TTYH2: variants seen among roughly 807,000 people sequenced by gnomAD.
The protein encoded by TTYH2 is protein tweety homolog 2.
Under a neutral mutation model 68.3 loss-of-function variants are expected in TTYH2, and 49 were observed. The ratio of observed to expected loss-of-function variants is 0.72; its 90% confidence interval spans 0.57 to 0.91. The LOEUF (loss-of-function observed/expected upper bound fraction) is 0.91. TTYH2 is among the 40% of genes least tolerant of loss of function. The probability of loss-of-function intolerance (pLI) is 0.00; values close to 1 mark genes in which losing one functional copy is unlikely to be tolerated. For missense variants in TTYH2, 631 were observed against 700.4 expected (o/e 0.90, Z 1.12); for synonymous variants, 272 against 300.8 (o/e 0.90, Z 0.99).
chr17:74,243,257 G>T, intron 4 of TTYH2, 117 bp from the exon 5 acceptor site: 2 of 833,130 alleles, frequency 2.4e-6, no homozygotes, highest in Admixed American at 2.0e-5. Context: ...GCTCTGGGCA[G>T]CATGTCCATA....
chr17:74,251,924 T>C (rs2050634422), intron 10 of TTYH2: 1 of 358,026 alleles, frequency 2.8e-6, no homozygotes, highest in Non-Finnish European at 5.2e-6. Context: ...CTTGCCATCC[T>C]GGCCTCAGCT....
chr17:74,240,040 G>A (rs553088443), intron 4 of TTYH2, among the ~76,000 whole-genome samples: 16 of 152,324 alleles, frequency 1.1e-4, no homozygotes, highest in Admixed American at 6.5e-4. Flanking sequence ...TTGTTAAGGC[G>A]ATGGTATTAA....
At chr17:74,224,170 G>A (rs779648331) in intron 2 of TTYH2, among the ~76,000 whole-genome samples, 57 of 152,326 alleles carry the variant, frequency 3.7e-4, no homozygotes, top group Non-Finnish European at 7.5e-4. Context: ...AGCACTTTGG[G>A]AGGCCAAGGC....
In TTYH2 at chr17:74,217,302, A is replaced by G. The variant is rs1349685587; in HGVS notation, c.129+3586A>G. On this transcript the variant is annotated intron_variant, in intron 1 of 13. Transcript: ENST00000269346. This position sits in a 1 kb window ranked among gnomAD's most constrained non-coding sequence, Gnocchi z 4.0. ...CAGCTGCTCTTTGGGGACATGTGTTAGGAGGCAGAGGAGATGTTGTTAATT... is the reference window on the plus strand; with the variant it reads ...CAGCTGCTCTTTGGGGACATGTGTTGGGAGGCAGAGGAGATGTTGTTAATT... 2.0e-5 allele frequency among the ~76,000 whole-genome samples: 3 copies of G among 152,216 alleles called. No homozygotes were observed. In the East Asian group the frequency reaches 5.8e-4, roughly 29 times the overall value.
At chr17:74,250,451 T>C (rs1598231266) in intron 10 of TTYH2, 94 bp downstream of exon 10, 1 of 1,050,392 alleles carries the variant, frequency 9.5e-7, no homozygotes, top group Non-Finnish European at 1.4e-6. Context: ...AGGGGAGCGA[T>C]GGCCTGGGTC....
At chr17:74,231,419 C>T (rs1023885500) in intron 3 of TTYH2, among the ~76,000 whole-genome samples, 2 of 152,142 alleles carry the variant, frequency 1.3e-5, no homozygotes, top group East Asian at 1.9e-4. Flanking sequence ...GAGGGCTGGG[C>T]GTGGTGGCTC....
intron 6 of TTYH2, chr17:74,248,698 G>C: frequency 8.0e-7 from 1 of 1,249,368 alleles, no homozygotes; most frequent in Non-Finnish European, 1.0e-6. Flanking sequence ...AGGCATTCGG[G>C]AATAAGAGTA....
rs1052601390 is a variant in TTYH2 at position 74,261,664 on chromosome 17, T to G, written c.*1455T>G. On this transcript the variant is annotated 3_prime_UTR_variant, in exon 14 of 14. Coordinates refer to ENST00000269346, the MANE Select transcript of TTYH2 (RefSeq NM_032646.6). ...CGTGCGGTGACTCGGTGCTTCTGTT[T>G]TGGAAGAACCACCTGTCATCAAAAC... 1.3e-5 allele frequency: 2 copies of G among 152,502 alleles called. No individual in the cohort carries two copies. The highest frequency in any genetic ancestry group is 2.9e-5 in the Non-Finnish European group (2 of 68,044). 9.4% of individuals were successfully genotyped at this position (152,502 alleles called of 1,614,324 possible). A position where few individuals can be genotyped will look rare whatever the true frequency, so the allele number is the denominator to read the frequency against.
intron 3 of TTYH2, among the ~76,000 whole-genome samples, chr17:74,235,006 G>A (rs1291725002): frequency 2.0e-5 from 3 of 152,068 alleles, no homozygotes; most frequent in East Asian, 1.9e-4. Context: ...TCGGGCTGTC[G>A]AATCTGCACA....
chr17:74,220,398 A>G (rs2050264069), intron 1 of TTYH2, among the ~76,000 whole-genome samples: 2 of 152,216 alleles, frequency 1.3e-5, no homozygotes, highest in Admixed American at 1.3e-4. Flanking sequence ...GATCATCTCT[A>G]GAGGCAGGTC....
At chr17:74,256,999 A>G (rs569055066) in intron 13 of TTYH2, 124 of 152,328 alleles carry the variant, frequency 8.1e-4, no homozygotes, top group African/African-American at 2.7e-3. Flanking sequence ...ACTAATCAGA[A>G]GCCTCCCGGG....
chr17:74,229,370 C>T (rs2050364184), intron 2 of TTYH2, among the ~76,000 whole-genome samples: 1 of 152,176 alleles, frequency 6.6e-6, no homozygotes, highest in Non-Finnish European at 1.5e-5. Context: ...AGTCTCCCAA[C>T]TTTTGGAGTC....
At chr17:74,242,419 G>A (rs1440943800) in intron 4 of TTYH2, among the ~76,000 whole-genome samples, 1 of 152,166 alleles carries the variant, frequency 6.6e-6, no homozygotes, top group African/African-American at 2.4e-5. Context: ...TTGAGATGGA[G>A]TCTCACTCTG....
chr17:74,215,861 C>A lies in TTYH2; in HGVS notation c.129+2145C>A. On this transcript the variant is annotated intron_variant, in intron 1 of 13. Transcript: ENST00000269346. The surrounding 1 kb of genome is among the most constrained non-coding windows in gnomAD (Gnocchi z 4.3). ...AGTGCTATGCCAGGCGTGGGGTGACCGTGGTAACCAAGGCAGCAGGTCTTC... is the reference window on the plus strand; with the variant it reads ...AGTGCTATGCCAGGCGTGGGGTGACAGTGGTAACCAAGGCAGCAGGTCTTC... The A allele has an allele frequency of 6.4e-6, 5 of 777,784 alleles. No individual in the cohort carries two copies. Among genetic ancestry groups the A allele is most frequent in the Non-Finnish European group, 1.0e-5 (5 of 488,506 alleles). 48.2% of individuals were successfully genotyped at this position (777,784 alleles called of 1,614,324 possible).
At chr17:74,250,999 CGT>C (rs769983171) in intron 10 of TTYH2, among the ~76,000 whole-genome samples, 1 of 152,106 alleles carries the variant, frequency 6.6e-6, no homozygotes, top group Non-Finnish European at 1.5e-5. Context: ...CTTGCTTGTG[CGT>C]GTGTATGGAT....
intron 13 of TTYH2, among the ~76,000 whole-genome samples, chr17:74,254,340 G>A (rs929487777): frequency 1.3e-5 from 2 of 152,094 alleles, no homozygotes. Context: ...GCTAATTTTT[G>A]TATTTTTAGT....
chr17:74,252,324 T>G lies in TTYH2; in HGVS notation c.1207T>G (p.Phe403Val), dbSNP rs773848452. Residue 403 changes from phenylalanine to valine, a missense_variant, in exon 11 of 14, where the codon TTC (phenylalanine) becomes GTC (valine). Physicochemically the swap from Phe to Val is conservative, Grantham distance 50 (BLOSUM62 -1). Coordinates refer to ENST00000269346, the MANE Select transcript of TTYH2 (RefSeq NM_032646.6). ...CTTCTCCTTCCTGGCCGCCCTCGCC[T>G]TCTCCACCATGATCTGTGCAGGGCC... ...GLFSFLAALA[F>V]STMICAGPRA... The G allele has an allele frequency of 1.2e-6, 2 of 1,613,962 alleles. No homozygotes were observed. Among genetic ancestry groups the G allele is most frequent in the South Asian group, 2.2e-5 (2 of 91,084 alleles).
intron 4 of TTYH2, 107 bp downstream of exon 4, chr17:74,237,621 A>T (rs1341245569): frequency 3.3e-6 from 3 of 899,078 alleles, no homozygotes; most frequent in East Asian, 3.0e-5. Context: ...ACTGGAAAGT[A>T]TTTTTTTTTT....
intron 2 of TTYH2, among the ~76,000 whole-genome samples, chr17:74,223,303 C>T (rs1340340502): frequency 8.0e-6 from 1 of 125,666 alleles, no homozygotes. Context: ...GGGGGGTGGG[C>T]GGGGAAGAGA....
Sources: allele counts gnomAD v4.1 joint callset (sites outside exome capture counted in the v4.1 genomes callset), GRCh38; gene constraint gnomAD v4.1.1; non-coding constraint Gnocchi (gnomAD v3.1); transcripts MANE v1.5; gene names NCBI Gene and HGNC (gene_info 2026-07-23, HGNC 2026-07-21).